SLIT1: variants seen among roughly 807,000 people sequenced by gnomAD.
SLIT1 encodes slit guidance ligand 1, also known as slit homolog 1 protein.
In SLIT1, 66 loss-of-function variants were observed where a neutral mutation model predicts 186.1. The ratio of observed to expected loss-of-function variants is 0.35; its 90% CI spans 0.29 to 0.44. The LOEUF is 0.44. SLIT1 is among the 20% of genes least tolerant of loss of function. The pLI is 1.00. For missense variants in SLIT1, 1,638 were observed against 2,037.4 expected (o/e 0.80, Z 3.77); for synonymous variants, 761 against 833.8 (o/e 0.91, Z 1.50).
intron 4 of SLIT1, among the ~76,000 whole-genome samples, chr10:97,133,934 G>A (rs572700270): frequency 1.6e-4 from 24 of 152,086 alleles, no homozygotes; most frequent in Non-Finnish European, 2.8e-4. Flanking sequence ...CTGGACAGCC[G>A]TATACCCTTG....
At chr10:97,093,575 A>G (rs1849255474) in intron 4 of SLIT1, among the ~76,000 whole-genome samples, 2 of 152,204 alleles carry the variant, frequency 1.3e-5, no homozygotes, top group Non-Finnish European at 2.9e-5. Flanking sequence ...TTGAGGATGG[A>G]AGATAAAGCT....
chr10:97,111,593 T>C (rs1849465264), intron 4 of SLIT1, among the ~76,000 whole-genome samples: 1 of 152,172 alleles, frequency 6.6e-6, no homozygotes, highest in Admixed American at 6.5e-5. Context: ...TTTATAGACA[T>C]AAATGGTGAA....
chr10:97,075,183 A>AG (rs1025364885), intron 4 of SLIT1, among the ~76,000 whole-genome samples: 8 of 152,208 alleles, frequency 5.3e-5, no homozygotes, highest in African/African-American at 1.9e-4. Flanking sequence ...CAAGGGTACC[A>AG]GGGCACCTCA....
chr10:97,074,086 T>C (rs1285278411), intron 4 of SLIT1, among the ~76,000 whole-genome samples: 6 of 152,162 alleles, frequency 3.9e-5, no homozygotes, highest in Admixed American at 3.9e-4. Context: ...ACTTTTACTT[T>C]TCGGCACAAC....
chr10:97,129,794 A>T (rs1004805150), intron 4 of SLIT1, among the ~76,000 whole-genome samples: 1 of 152,176 alleles, frequency 6.6e-6, no homozygotes, highest in Non-Finnish European at 1.5e-5. Flanking sequence ...GCATGGAGTG[A>T]AAACAATGTG....
At chr10:97,077,896 T>C (rs1849060517) in intron 4 of SLIT1, among the ~76,000 whole-genome samples, 1 of 152,084 alleles carries the variant, frequency 6.6e-6, no homozygotes, top group African/African-American at 2.4e-5. Context: ...CACTGGAGCC[T>C]AGGAATTTGA....
intron 25 of SLIT1, among the ~76,000 whole-genome samples, chr10:97,029,197 T>C (rs1452356648): frequency 6.6e-6 from 1 of 152,228 alleles, no homozygotes; most frequent in African/African-American, 2.4e-5. Flanking sequence ...AGTCTAAGAT[T>C]GTTTGATGCA....
At chr10:97,185,427 G>A in intron 1 of SLIT1, 51 bp downstream of exon 1, 1 of 1,570,366 alleles carries the variant, frequency 6.4e-7, no homozygotes, top group Non-Finnish European at 8.7e-7. Flanking sequence ...TTGCGTCTGG[G>A]TGGGAGGGCA....
intron 4 of SLIT1, among the ~76,000 whole-genome samples, chr10:97,156,179 T>C (rs966036942): frequency 6.6e-6 from 1 of 152,040 alleles, no homozygotes; most frequent in African/African-American, 2.4e-5. Context: ...AAAGAGATCA[T>C]CACTAAAGGT....
At chr10:97,158,661 C>CAA (rs34201804) in intron 3 of SLIT1, among the ~76,000 whole-genome samples, 6,047 of 122,076 alleles carry the variant, frequency 0.05, 383 homozygotes, top group African/African-American at 0.15. Context: ...AACTCTGTCT[C>CAA]AAAAAAAAAA....
At chr10:97,138,642 G>A (rs1849727052) in intron 4 of SLIT1, among the ~76,000 whole-genome samples, 2 of 55,782 alleles carry the variant, frequency 3.6e-5, no homozygotes, top group South Asian at 2.3e-3. Flanking sequence ...GTGATTTGTA[G>A]GAAACTGTTT....
chr10:97,018,753 A>C, intron 27 of SLIT1, 70 bp from the exon 28 acceptor site: 3 of 972,884 alleles, frequency 3.1e-6, no homozygotes, highest in Non-Finnish European at 4.8e-6. Context: ...AGCCAGCCAG[A>C]CCCTCAGCAG....
chr10:97,051,356 A>G (rs982775404), intron 13 of SLIT1, among the ~76,000 whole-genome samples: 1 of 152,166 alleles, frequency 6.6e-6, no homozygotes, highest in Non-Finnish European at 1.5e-5. Flanking sequence ...GGAATGTAAA[A>G]TAGTACAGCC....
intron 23 of SLIT1, among the ~76,000 whole-genome samples, chr10:97,032,747 C>T (rs113442696): frequency 2.2e-3 from 258 of 118,796 alleles, no homozygotes; most frequent in African/African-American, 6.2e-3. Flanking sequence ...AAACAGCCCC[C>T]GTGTTCCCCA....
At chr10:97,130,269 C>T (rs941335971) in intron 4 of SLIT1, among the ~76,000 whole-genome samples, 3 of 152,138 alleles carry the variant, frequency 2.0e-5, no homozygotes, top group East Asian at 1.9e-4. Context: ...GGGTACATAC[C>T]GAAGAGGAAT....
At chr10:97,087,643 TC>T (rs975075905) in intron 4 of SLIT1, among the ~76,000 whole-genome samples, 2 of 152,144 alleles carry the variant, frequency 1.3e-5, no homozygotes, top group Non-Finnish European at 2.9e-5. Flanking sequence ...AGCACGGCTC[TC>T]TGCCTGAGCC....
chr10:97,086,407 TAAAAAAAA>T (rs77306001), intron 4 of SLIT1, among the ~76,000 whole-genome samples: 1 of 143,476 alleles, frequency 7.0e-6, no homozygotes, highest in African/African-American at 2.6e-5. Context: ...CTGTCTCTAC[TAAAAAAAA>T]AAAAATACAA....
intron 34 of SLIT1, among the ~76,000 whole-genome samples, chr10:97,003,301 C>T (rs1035200423): frequency 1.3e-5 from 2 of 152,250 alleles, no homozygotes; most frequent in Non-Finnish European, 2.9e-5. Context: ...GCCTTCTCTC[C>T]CTGGGACGCT....
chr10:97,064,317 CA>C, intron 6 of SLIT1, 78 bp from the exon 7 acceptor site: 1 of 1,198,746 alleles, frequency 8.3e-7, no homozygotes, highest in East Asian at 2.4e-5. Flanking sequence ...TGCTAACGAA[CA>C]GGGAGGCTCT....
Sources: gnomAD v4.1 joint callset for allele counts (sites outside exome capture counted in the v4.1 genomes callset) on GRCh38, gnomAD v4.1.1 for gene constraint, MANE v1.5 for transcripts, NCBI Gene and HGNC (gene_info 2026-07-23, HGNC 2026-07-21) for gene names.